Variants in HIPK2 observed in about 807,000 individuals in gnomAD.
HIPK2 encodes the protein homeodomain-interacting protein kinase 2.
HIPK2 carries 27 observed loss-of-function variants against 113.7 expected under a neutral mutation model. The ratio of observed to expected loss-of-function variants is 0.24; its 90% confidence interval spans 0.17 to 0.33. HIPK2 has a LOEUF of 0.33. HIPK2 is among the 10% of genes least tolerant of loss of function. HIPK2 has a pLI of 1.00. For synonymous variants in HIPK2, 631 were observed against 642.2 expected (o/e 0.98, Z 0.26); for missense variants, 1,257 against 1,588.0 (o/e 0.79, Z 3.54).
chr7:139,700,480 C>A (rs1794676975), intron 2 of HIPK2, among the ~76,000 whole-genome samples: 1 of 152,220 alleles, frequency 6.6e-6, no homozygotes, highest in Non-Finnish European at 1.5e-5. Flanking sequence ...TCAGCAACGA[C>A]CTGCTTCAAT....
At chr7:139,623,457 G>A (rs960677189) in intron 6 of HIPK2, among the ~76,000 whole-genome samples, 2 of 148,216 alleles carry the variant, frequency 1.3e-5, no homozygotes, top group South Asian at 2.1e-4. Flanking sequence ...CTGCAGTGAC[G>A]CAGTGAGCAA....
intron 2 of HIPK2, among the ~76,000 whole-genome samples, chr7:139,697,502 G>A (rs36154676): frequency 0.64 from 96,873 of 151,628 alleles, 34,918 homozygotes; most frequent in South Asian, 0.86. Context: ...TAGGTCCCAC[G>A]TACAAATAAA....
At chr7:139,688,116 A>T (rs1033635511) in intron 2 of HIPK2, among the ~76,000 whole-genome samples, 3 of 151,920 alleles carry the variant, frequency 2.0e-5, no homozygotes, top group Non-Finnish European at 4.4e-5. Context: ...CACGCAGCCC[A>T]TTGGGCCTGC....
At chr7:139,699,680 C>T (rs1794654894) in intron 2 of HIPK2, among the ~76,000 whole-genome samples, 1 of 152,212 alleles carries the variant, frequency 6.6e-6, no homozygotes, top group Admixed American at 6.5e-5. Flanking sequence ...ACCCCTCACC[C>T]TTCACCTTTG....
chr7:139,616,048 G>C (rs956451159), intron 7 of HIPK2, among the ~76,000 whole-genome samples: 1 of 152,022 alleles, frequency 6.6e-6, no homozygotes, highest in Non-Finnish European at 1.5e-5. Context: ...CATTCCCCAT[G>C]GTCTGCTCAT....
intron 2 of HIPK2, among the ~76,000 whole-genome samples, chr7:139,668,868 C>G (rs2116615410): frequency 6.6e-6 from 1 of 152,320 alleles, no homozygotes; most frequent in Middle Eastern, 3.4e-3. Context: ...TAAAAGAAGA[C>G]TGATGACTGT....
At chr7:139,769,853 C>A (rs1046601095) in intron 1 of HIPK2, among the ~76,000 whole-genome samples, 1 of 152,180 alleles carries the variant, frequency 6.6e-6, no homozygotes, top group Admixed American at 6.5e-5. Context: ...CATTAGAGAA[C>A]CTCCCAGGCT....
intron 10 of HIPK2, among the ~76,000 whole-genome samples, chr7:139,602,664 G>A (rs902347593): frequency 1.9e-4 from 29 of 152,028 alleles, no homozygotes; most frequent in Admixed American, 1.3e-4. Context: ...CTTTCCACTC[G>A]GCTGCTCCTA....
In HIPK2 at chr7:139,613,332, G is replaced by A; in HGVS notation, c.1991-9C>T. ...GGGAGAGGCCTGCAAGCCTGTTCCAGACAGTGTGAGGGAGAGAAGGGTTAG... is the reference window on the plus strand; with the variant it reads ...GGGAGAGGCCTGCAAGCCTGTTCCAAACAGTGTGAGGGAGAGAAGGGTTAG... On this transcript the variant is annotated splice_polypyrimidine_tract_variant and intron_variant, in intron 8 of 14. Coordinates refer to ENST00000406875, the MANE Select transcript of HIPK2 (RefSeq NM_022740.5). The surrounding 1 kb of genome is among the most constrained non-coding windows in gnomAD (Gnocchi z 4.2). 6.2e-7 allele frequency: 1 copy of A among 1,612,928 alleles called. No homozygotes were observed. Among genetic ancestry groups the A allele is most frequent in the Non-Finnish European group, 8.5e-7 (1 of 1,179,462 alleles).
chr7:139,753,753 G>A (rs192763160), intron 1 of HIPK2, among the ~76,000 whole-genome samples: 3 of 152,350 alleles, frequency 2.0e-5, no homozygotes, highest in Admixed American at 6.5e-5. Flanking sequence ...GAGGGCAGGC[G>A]TGCATACACA....
intron 1 of HIPK2, among the ~76,000 whole-genome samples, chr7:139,724,453 T>C (rs1795507830): frequency 6.6e-6 from 1 of 152,216 alleles, no homozygotes; most frequent in Non-Finnish European, 1.5e-5. Flanking sequence ...GTTTACCCAC[T>C]AGTTGTGCAA....
rs554904223 is a variant in HIPK2 at position 139,693,747 on chromosome 7, T to C, written c.1103+22185A>G. On this transcript the variant is annotated intron_variant, in intron 2 of 14. Transcript: ENST00000406875. The stretch of plus-strand genomic sequence containing the variant: ...AAAAAAAAAAAAAACATTTTAAGTA[T>C]GGTGTTGAAATGGGTAAGTTTTAGT... Among the ~76,000 whole-genome samples, 289 of 152,120 alleles carry C rather than the reference T, an allele frequency of 1.9e-3. 1 individual carries two copies. Among genetic ancestry groups the C allele is most frequent in the African/African-American group, 6.5e-3 (271 of 41,504 alleles).
At chr7:139,668,036 C>T (rs948051075) in intron 2 of HIPK2, among the ~76,000 whole-genome samples, 3 of 150,514 alleles carry the variant, frequency 2.0e-5, no homozygotes, top group African/African-American at 2.5e-5. Context: ...CTGAGACAGG[C>T]GATCGCTTGA....
At position 139,565,275 on chromosome 7, in the gene HIPK2, T is replaced by G. The variant is rs1798058233; in HGVS notation, c.*7652A>C. ...ATTGAAACCAACCAGGATCTCAAAC[T>G]CCGATTAGTTAGGTTTGCTTCCAAT... is the stretch of plus-strand genomic sequence containing the variant. On this transcript the variant is annotated 3_prime_UTR_variant, in exon 15 of 15. Coordinates refer to ENST00000406875, the MANE Select transcript of HIPK2 (RefSeq NM_022740.5). 1 of 151,972 alleles carries G rather than the reference T, an allele frequency of 6.6e-6. No individual in the cohort carries two copies. The highest frequency in any genetic ancestry group is 2.1e-4 in the South Asian group (1 of 4,818). The allele number at this position is 151,972 out of a possible 1,614,324, so 9.4% of individuals were successfully genotyped here. A position where few individuals can be genotyped will look rare whatever the true frequency, so the allele number is the denominator to read the frequency against.
At position 139,683,338 on chromosome 7, in the gene HIPK2, T is replaced by A. The variant is rs1486303193; in HGVS notation, c.1103+32594A>T. Among the ~76,000 whole-genome samples, 1 of 152,224 alleles carries A rather than the reference T, an allele frequency of 6.6e-6. No individual in the cohort carries two copies. Among genetic ancestry groups the A allele is most frequent in the African/African-American group, 2.4e-5 (1 of 41,466 alleles). On this transcript the variant is annotated intron_variant, in intron 2 of 14. Transcript: ENST00000406875. This position sits in a 1 kb window ranked among gnomAD's most constrained non-coding sequence, Gnocchi z 4.2. ...CTTCATGGTTGCTCTAGGCCAGTGC[T>A]TCAGCAGCGGCCTAGCCGGGTCTGG...
rs111498841 is a variant in HIPK2 at position 139,772,793 on chromosome 7, G to A, written c.19+4812C>T. ...GTATTTTTAGTAGAGATGGGGTTTC[G>A]CCATGTTAGCCAGGTTGGTCTCGAA... is the stretch of plus-strand genomic sequence containing the variant. On this transcript the variant is annotated intron_variant, in intron 1 of 14. Transcript: ENST00000406875. 8.7e-3 allele frequency among the ~76,000 whole-genome samples: 1,285 copies of A among 147,660 alleles called. 14 individuals carry two copies. Among genetic ancestry groups the A allele is most frequent in the African/African-American group, 0.03 (1,207 of 39,860 alleles).
At chr7:139,666,365 C>T (rs369317398) in intron 2 of HIPK2, among the ~76,000 whole-genome samples, 373 of 152,306 alleles carry the variant, frequency 2.4e-3, no homozygotes, top group African/African-American at 8.7e-3. Flanking sequence ...AGGCCTTCGC[C>T]ACGAAAGCAC....
In HIPK2 at chr7:139,693,465, C is replaced by T. The variant is rs28530528; in HGVS notation, c.1103+22467G>A. On this transcript the variant is annotated intron_variant, in intron 2 of 14. Coordinates refer to ENST00000406875, the MANE Select transcript of HIPK2 (RefSeq NM_022740.5). ...AGAGAGCAGCACTTGGTAGAAGAAACGTGTGTCTGGGGGTCAGACACACCT... is the reference window on the plus strand; with the variant it reads ...AGAGAGCAGCACTTGGTAGAAGAAATGTGTGTCTGGGGGTCAGACACACCT... Among the ~76,000 whole-genome samples, 1,119 of 152,228 alleles carry T rather than the reference C, an allele frequency of 7.4e-3. 4 individuals are homozygous for T. Among genetic ancestry groups the T allele is most frequent in the Admixed American group, 9.1e-3 (139 of 15,294 alleles).
intron 1 of HIPK2, among the ~76,000 whole-genome samples, chr7:139,765,814 C>T (rs1350484965): frequency 1.3e-5 from 2 of 152,168 alleles, no homozygotes; most frequent in African/African-American, 4.8e-5. Context: ...CCCCCTTCTG[C>T]CCCATGGATG....
Sources: gnomAD v4.1 joint callset for allele counts (sites outside exome capture counted in the v4.1 genomes callset) on GRCh38, gnomAD v4.1.1 for gene constraint, Gnocchi (gnomAD v3.1) non-coding constraint, MANE v1.5 for transcripts, NCBI Gene and HGNC (gene_info 2026-07-23, HGNC 2026-07-21) for gene names.